CD247: variants seen among roughly 807,000 people sequenced by gnomAD.
CD247 encodes T-cell surface glycoprotein CD3 zeta chain.
A neutral mutation model predicts 30.0 loss-of-function variants in CD247; 13 were observed. That is an observed-to-expected ratio of 0.43 (90% CI 0.28 to 0.69). The LOEUF (loss-of-function observed/expected upper bound fraction) is 0.69. Ranked by LOEUF, CD247 falls within the 30% of genes least tolerant of loss-of-function variation. The pLI is 0.16. For synonymous variants in CD247, 72 were observed against 80.0 expected (o/e 0.90, Z 0.53); for missense variants, 193 against 212.6 (o/e 0.91, Z 0.57).
In CD247 at chr1:167,440,091, A is replaced by T. The variant is rs1298218069; in HGVS notation, c.162+573T>A. On this transcript the variant is annotated intron_variant, in intron 2 of 7. Coordinates refer to ENST00000362089, the MANE Select transcript of CD247 (RefSeq NM_198053.3). ...TAAGATTTGGTTTTTCAAATAAAAT[A>T]TTATGCCAAAGTCCAAAATTCAAAC... 7 of 165,112 alleles carry T rather than the reference A, an allele frequency of 4.2e-5. No individual in the cohort carries two copies. In the East Asian group the frequency reaches 1.2e-3, roughly 29 times the overall value. The allele number at this position is 165,112 out of a possible 1,614,324, so 10.2% of individuals were successfully genotyped here.
At chr1:167,437,944 T>C (rs543537724) in intron 4 of CD247, among the ~76,000 whole-genome samples, 2 of 152,272 alleles carry the variant, frequency 1.3e-5, no homozygotes, top group African/African-American at 4.8e-5. Context: ...CATATTATAT[T>C]CAAAAATCAT....
Position 167,440,658 on chromosome 1 carries a change from A to G in CD247, c.162+6T>C, listed in dbSNP as rs374209381. 5.6e-6 allele frequency: 9 copies of G among 1,597,006 alleles called. No individual in the cohort carries two copies. In the African/African-American group the frequency reaches 1.1e-4, roughly 19 times the overall value. ...TGCCCTCCTCCCAAAGCCCAGTGGT[A>G]CCCACCTTCACTCTCAGGAACAAGG... On this transcript the variant is annotated splice_donor_region_variant and intron_variant, in intron 2 of 7. Transcript: ENST00000362089.
chr1:167,503,200 A>C (rs1654983525), intron 1 of CD247, among the ~76,000 whole-genome samples: 1 of 152,148 alleles, frequency 6.6e-6, no homozygotes, highest in Non-Finnish European at 1.5e-5. Flanking sequence ...AAATGAACCG[A>C]CTTTAGGAGG....
At chr1:167,490,666 C>A (rs1654409289) in intron 1 of CD247, among the ~76,000 whole-genome samples, 1 of 152,084 alleles carries the variant, frequency 6.6e-6, no homozygotes. Context: ...GGTACAGTGA[C>A]TCACGCCTGT....
chr1:167,438,447 C>G, intron 4 of CD247, 123 bp downstream of exon 4: 1 of 814,792 alleles, frequency 1.2e-6, no homozygotes, highest in Non-Finnish European at 2.2e-6. Context: ...CTTCTCTTGT[C>G]CTGGGCCCAC....
At chr1:167,514,493 G>C (rs1357764480) in intron 1 of CD247, among the ~76,000 whole-genome samples, 1 of 152,132 alleles carries the variant, frequency 6.6e-6, no homozygotes, top group African/African-American at 2.4e-5. Flanking sequence ...AGCGTGACAG[G>C]GGCGTCTTTG....
chr1:167,458,200 A>C (rs941536935), intron 1 of CD247, among the ~76,000 whole-genome samples: 5 of 152,216 alleles, frequency 3.3e-5, no homozygotes, highest in African/African-American at 1.2e-4. Flanking sequence ...CATCAGGAGA[A>C]AGCTACTTAT....
intron 1 of CD247, among the ~76,000 whole-genome samples, chr1:167,506,044 A>G (rs1295666013): frequency 6.6e-6 from 1 of 152,160 alleles, no homozygotes; most frequent in Non-Finnish European, 1.5e-5. Context: ...TGACATGGCA[A>G]TTTCTTGATC....
At chr1:167,515,996 A>C (rs1655592705) in intron 1 of CD247, among the ~76,000 whole-genome samples, 1 of 152,256 alleles carries the variant, frequency 6.6e-6, no homozygotes, top group South Asian at 2.1e-4. Flanking sequence ...TGAGGCCCAG[A>C]GAGGTTAAGT....
chr1:167,483,754 C>T (rs558058696), intron 1 of CD247, among the ~76,000 whole-genome samples: 3 of 152,346 alleles, frequency 2.0e-5, no homozygotes, highest in Non-Finnish European at 4.4e-5. Context: ...CCAGTGATGA[C>T]GATGACAATA....
intron 1 of CD247, among the ~76,000 whole-genome samples, chr1:167,469,927 T>C (rs539749067): frequency 6.6e-6 from 1 of 152,124 alleles, no homozygotes. Context: ...ATTTTATTTT[T>C]TTTGAGATGG....
chr1:167,458,320 G>A (rs1214595), intron 1 of CD247, among the ~76,000 whole-genome samples: 40,137 of 152,224 alleles, frequency 0.26, 6,667 homozygotes, highest in Middle Eastern at 0.41. Context: ...GTGGGATTGG[G>A]ATGTTTTCTC....
chr1:167,469,672 T>A (rs1249752178), intron 1 of CD247, among the ~76,000 whole-genome samples: 1 of 152,244 alleles, frequency 6.6e-6, no homozygotes, highest in African/African-American at 2.4e-5. Context: ...GAGTGAGAGA[T>A]AAAGGAAAGT....
At chr1:167,467,592 C>T (rs926954561) in intron 1 of CD247, among the ~76,000 whole-genome samples, 4 of 152,192 alleles carry the variant, frequency 2.6e-5, no homozygotes, top group African/African-American at 4.8e-5. Flanking sequence ...CAGCCCTAAG[C>T]GTTGGGGGCT....
chr1:167,506,442 G>A (rs1655137693), intron 1 of CD247, among the ~76,000 whole-genome samples: 2 of 149,432 alleles, frequency 1.3e-5, no homozygotes, highest in Admixed American at 1.3e-4. Context: ...CCGCCTCCCA[G>A]GCTCAAGCAT....
intron 1 of CD247, among the ~76,000 whole-genome samples, chr1:167,485,379 G>T (rs1187541281): frequency 6.6e-6 from 1 of 152,216 alleles, no homozygotes; most frequent in Non-Finnish European, 1.5e-5. Flanking sequence ...GAATGGGATG[G>T]CCTGACCGCT....
In CD247 at chr1:167,438,468, G is replaced by T. The variant is rs542852682; in HGVS notation, c.300+102C>A. The T allele has an allele frequency of 4.5e-5, 41 of 908,356 alleles. 1 individual carries two copies. In the South Asian group the frequency reaches 4.8e-4, roughly 11 times the overall value. 56.3% of individuals were successfully genotyped at this position (908,356 alleles called of 1,614,324 possible). On this transcript the variant is annotated intron_variant, in intron 4 of 7. Transcript: ENST00000362089. ...TTGTCCTGGGCCCACACATGTGAGG[G>T]TCGAGTCTGGTTGCAGAGTGAGCTG...
intron 1 of CD247, among the ~76,000 whole-genome samples, chr1:167,475,885 G>C (rs1361649842): frequency 6.6e-6 from 1 of 152,122 alleles, no homozygotes; most frequent in Admixed American, 6.5e-5. Flanking sequence ...AAAATGAACT[G>C]TGAAGTAAAA....
rs1651665994 is a variant in CD247, at chr1:167,438,648, C to T, written c.222G>A (p.Glu74=). The T allele has an allele frequency of 6.2e-7, 1 of 1,613,054 alleles. No individual in the cohort carries two copies. The highest frequency in any genetic ancestry group is 1.6e-4 in the Middle Eastern group (1 of 6,062). Residue 74 remains glutamate, a splice_region_variant and synonymous_variant, in exon 4 of 8, where the codon GAG becomes GAA. Coordinates refer to ENST00000362089, the MANE Select transcript of CD247 (RefSeq NM_198053.3). Reference sequence around the variant, plus strand: ...ACTCCTCTCTTCGTCCTAGATTGAGCTCCTATAACAGATAAGAAAGTGTCA... The same window carrying T: ...ACTCCTCTCTTCGTCCTAGATTGAGTTCCTATAACAGATAAGAAAGTGTCA... The part of the protein sequence containing the change: ...YQQGQNQLYN[E]LNLGRREEYD...
Sources: allele counts gnomAD v4.1 joint callset (sites outside exome capture counted in the v4.1 genomes callset), GRCh38; gene constraint gnomAD v4.1.1; transcripts MANE v1.5; gene names NCBI Gene and HGNC (gene_info 2026-07-23, HGNC 2026-07-21).